Variants in XRN2 observed in about 807,000 individuals in gnomAD.
XRN2 encodes DHM1-like protein.
A neutral mutation model predicts 138.5 loss-of-function variants in XRN2; 44 were observed. The ratio of observed to expected loss-of-function variants is 0.32; its 90% CI spans 0.25 to 0.41. XRN2 has a LOEUF of 0.41. XRN2 is among the 10% of genes least tolerant of loss of function. XRN2 has a pLI of 1.00. For synonymous variants in XRN2, 354 were observed against 369.4 expected, an observed-to-expected ratio of 0.96 and a Z score of 0.48; for missense variants, 937 against 1,169.3, an observed-to-expected ratio of 0.80 and a Z score of 2.90.
At chr20:21,323,691 C>T (rs942710566) in intron 1 of XRN2, among the ~76,000 whole-genome samples, 11 of 152,148 alleles carry the variant, frequency 7.2e-5, no homozygotes, top group Admixed American at 3.3e-4. Flanking sequence ...CCACCTACTC[C>T]GTACTTTATT....
chr20:21,326,713 G>T (rs1355966048), intron 3 of XRN2, 112 bp downstream of exon 3: 1 of 823,054 alleles, frequency 1.2e-6, no homozygotes, highest in East Asian at 2.7e-5. Context: ...ATGAACTTGA[G>T]AAAGAAAGCC....
At chr20:21,384,724 C>T (rs2038920104) in intron 28 of XRN2, among the ~76,000 whole-genome samples, 2 of 152,290 alleles carry the variant, frequency 1.3e-5, no homozygotes, top group South Asian at 4.1e-4. Context: ...AACTCCTGGG[C>T]TGAAGTGATC....
At chr20:21,323,963 C>T (rs530735296) in intron 1 of XRN2, among the ~76,000 whole-genome samples, 48 of 152,112 alleles carry the variant, frequency 3.2e-4, no homozygotes, top group African/African-American at 1.1e-3. Flanking sequence ...TGATTTTTTT[C>T]CTGGAGGGCA....
At chr20:21,357,830 C>T in intron 24 of XRN2, 38 bp downstream of exon 24, 1 of 1,541,136 alleles carries the variant, frequency 6.5e-7, no homozygotes, top group Non-Finnish European at 8.8e-7. Context: ...ACCCAGAACA[C>T]AGCTCTGAAC....
At chr20:21,360,457 G>GTTT (rs144908830) in intron 24 of XRN2, among the ~76,000 whole-genome samples, 2 of 137,946 alleles carry the variant, frequency 1.4e-5, no homozygotes, top group African/African-American at 5.3e-5. Flanking sequence ...TTGTTAGGTT[G>GTTT]TTTTTTTTTT....
In XRN2 at chr20:21,344,114, A is replaced by C; in HGVS notation, c.1435A>C (p.Ser479Arg). 6.2e-7 allele frequency: 1 copy of C among 1,613,064 alleles called. No homozygotes were observed. The highest frequency in any genetic ancestry group is 8.5e-7 in the Non-Finnish European group (1 of 1,179,192). ...GAGTCCTTCGATATCTCCTAATACG[A>C]GTTTCACATCTGATGGCTCCCCGTC... ...NSSPSISPNT[S>R]FTSDGSPSPL... The change falls in exon 16 of 30, where the codon AGT becomes CGT. Residue 479 changes from serine (S) to arginine (R), a missense_variant. Ser to Arg is a moderately radical substitution (Grantham distance 110). This residue lies in a region of XRN2 where 471 missense variants were observed against 581.2 expected (regional missense o/e 0.81). Transcript: ENST00000377191.
Position 21,326,609 on chromosome 20 carries a change from C to T in XRN2, c.315+8C>T, listed in dbSNP as rs377077576. ...ATGGCAATAGATGGAGTGGTAAGTGCTAAAATAATTAGAAGCCTCCATTTT... is the reference window on the plus strand; with the variant it reads ...ATGGCAATAGATGGAGTGGTAAGTGTTAAAATAATTAGAAGCCTCCATTTT... On this transcript the variant is annotated splice_region_variant and intron_variant, in intron 3 of 29. Coordinates refer to ENST00000377191, the MANE Select transcript of XRN2 (RefSeq NM_012255.5). 227 of 1,599,690 alleles carry T rather than the reference C, an allele frequency of 1.4e-4. No individual in the cohort carries two copies. The highest frequency in any genetic ancestry group is 1.9e-4 in the Non-Finnish European group (218 of 1,173,214).
chr20:21,365,104 AT>A (rs2038679168), intron 24 of XRN2, among the ~76,000 whole-genome samples: 1 of 152,098 alleles, frequency 6.6e-6, no homozygotes, highest in Non-Finnish European at 1.5e-5. Context: ...TTTTATTTTT[AT>A]TTTTTGTTGT....
intron 27 of XRN2, among the ~76,000 whole-genome samples, chr20:21,378,030 T>C (rs1270378553): frequency 6.6e-6 from 1 of 152,194 alleles, no homozygotes. Context: ...TACTGATTTT[T>C]ATCTGATCCC....
chr20:21,385,472 T>A (rs999437210), intron 28 of XRN2, among the ~76,000 whole-genome samples: 2 of 152,240 alleles, frequency 1.3e-5, no homozygotes, highest in Non-Finnish European at 2.9e-5. Flanking sequence ...TTAAAAGCCC[T>A]AGCCATATGC....
Position 21,330,668 on chromosome 20 carries a change from A to G in XRN2, c.539A>G (p.Asp180Gly), listed in dbSNP as rs765177263. 6.2e-7 allele frequency: 1 copy of G among 1,613,040 alleles called. No individual in the cohort carries two copies. The highest frequency in any genetic ancestry group is 1.3e-5 in the African/African-American group (1 of 74,896). Residue 180 changes from aspartate to glycine, a missense_variant, in exon 6 of 30, where the codon GAT (aspartate) becomes GGT (glycine). Transcript: ENST00000377191. Reference sequence around the variant, plus strand: ...AAATGCCTTCGCTATTACATAGCTGATCGTTTAAATAATGACCCTGGGTGG... The same window carrying G: ...AAATGCCTTCGCTATTACATAGCTGGTCGTTTAAATAATGACCCTGGGTGG... ...LAKCLRYYIADRLNNDPGWKN... is the reference protein window; with the variant it reads ...LAKCLRYYIAGRLNNDPGWKN...
chr20:21,386,885 C>T lies in XRN2; in HGVS notation c.2666C>T (p.Pro889Leu), dbSNP rs746866899. The T allele has an allele frequency of 9.9e-6, 16 of 1,613,504 alleles. No individual in the cohort carries two copies. The highest frequency in any genetic ancestry group is 4.0e-5 in the African/African-American group (3 of 74,908). ...QRFDRGVGAE[P>L]LLPWNRMLQT... ...TCCTACAGAGGCGTTGGGGCTGAAC[C>T]TCTGCTCCCATGGAACCGGATGCTG... is the stretch of plus-strand genomic sequence containing the variant. Residue 889 changes from proline (P) to leucine (L), a missense_variant, in exon 29 of 30, where the codon CCT becomes CTT. Pro to Leu is a moderately conservative substitution (Grantham distance 98, BLOSUM62 -3). Transcript: ENST00000377191.
intron 1 of XRN2, among the ~76,000 whole-genome samples, chr20:21,325,383 A>G (rs544167450): frequency 1.8e-4 from 28 of 152,368 alleles, no homozygotes; most frequent in Middle Eastern, 3.4e-3. Context: ...GAGGAACTCA[A>G]TGTAGCTGGG....
chr20:21,316,300 C>A (rs941027802), intron 1 of XRN2, among the ~76,000 whole-genome samples: 1 of 152,192 alleles, frequency 6.6e-6, no homozygotes, highest in Non-Finnish European at 1.5e-5. Context: ...TGATGAAGTG[C>A]AGTTCATCTG....
In XRN2 at chr20:21,330,669, T is replaced by C; in HGVS notation, c.540T>C (p.Asp180=). The C allele has an allele frequency of 2.5e-6, 4 of 1,613,204 alleles. No individual in the cohort carries two copies. The highest frequency in any genetic ancestry group is 3.4e-6 in the Non-Finnish European group (4 of 1,179,976). The change falls in exon 6 of 30, where the codon GAT becomes GAC. Residue 180 remains aspartate (D), a synonymous_variant. Transcript: ENST00000377191. ...AATGCCTTCGCTATTACATAGCTGATCGTTTAAATAATGACCCTGGGTGGA... is the reference window on the plus strand; with the variant it reads ...AATGCCTTCGCTATTACATAGCTGACCGTTTAAATAATGACCCTGGGTGGA... ...LAKCLRYYIA[D]RLNNDPGWKN...
intron 4 of XRN2, 73 bp downstream of exon 4, chr20:21,328,743 T>A (rs1474150278): frequency 2.2e-6 from 3 of 1,368,666 alleles, no homozygotes; most frequent in South Asian, 1.3e-5. Context: ...TGGCAACTTT[T>A]TCTTACAAAG....
In XRN2 at chr20:21,328,654, A is replaced by G. The variant is rs1292009973; in HGVS notation, c.411A>G (p.Glu137=). ...CAGTCGAGAAGCAGCGAGTCAGGGA[A>G]GAAATATTGGCAAAAGGTAAAGAAT... The part of the protein sequence containing the change: ...EAAVEKQRVR[E]EILAKGGFLP... Residue 137 remains glutamate, a synonymous_variant, in exon 4 of 30, where the codon GAA becomes GAG. Transcript: ENST00000377191. The G allele has an allele frequency of 6.8e-6, 11 of 1,613,856 alleles. No individual in the cohort carries two copies. The highest frequency in any genetic ancestry group is 1.7e-5 in the Admixed American group (1 of 59,968).
chr20:21,318,931 A>G (rs1261202792), intron 1 of XRN2, among the ~76,000 whole-genome samples: 1 of 152,014 alleles, frequency 6.6e-6, no homozygotes, highest in Non-Finnish European at 1.5e-5. Flanking sequence ...CTCTGTTGAT[A>G]GTGTTGTTCA....
intron 13 of XRN2, 42 bp downstream of exon 13, chr20:21,334,227 C>CT: frequency 6.7e-7 from 1 of 1,485,916 alleles, no homozygotes. Flanking sequence ...GCTCCTGTCT[C>CT]TAATAGGCTA....
Sources: gnomAD v4.1 joint callset for allele counts (sites outside exome capture counted in the v4.1 genomes callset) on GRCh38, gnomAD v4.1.1 for gene constraint, gnomAD v4.1.1 regional missense constraint, MANE v1.5 for transcripts, NCBI Gene and HGNC (gene_info 2026-07-23, HGNC 2026-07-21) for gene names.